Variants in NXPH2 observed in about 807,000 individuals in gnomAD.
NXPH2 encodes the protein neurexophilin 2, also known as neurexophilin-2.
In NXPH2, 5 loss-of-function variants were observed where a neutral mutation model predicts 19.8. That is an observed-to-expected ratio of 0.25 (90% CI 0.13 to 0.53). The LOEUF (loss-of-function observed/expected upper bound fraction) is 0.53, where lower values mean the gene tolerates loss of function less well. Among genes scored for constraint, NXPH2 ranks in the 20% least tolerant of loss-of-function variants. NXPH2 has a pLI of 0.96. For missense variants in NXPH2, 289 were observed against 322.8 expected (o/e 0.90, Z 0.80); for synonymous variants, 154 against 127.4 (o/e 1.21, Z -1.41).
At chr2:138,709,251 C>T (rs921430955) in intron 1 of NXPH2, among the ~76,000 whole-genome samples, 2 of 152,142 alleles carry the variant, frequency 1.3e-5, no homozygotes, top group Non-Finnish European at 1.5e-5. Flanking sequence ...GCTCACACTG[C>T]ACTTTCTCTC....
chr2:138,674,472 G>T (rs892798453), intron 1 of NXPH2, among the ~76,000 whole-genome samples: 3 of 152,054 alleles, frequency 2.0e-5, no homozygotes, highest in African/African-American at 7.2e-5. Flanking sequence ...TTTTTATACA[G>T]ATGAGGTCTT....
chr2:138,715,853 A>G (rs749275117), intron 1 of NXPH2, among the ~76,000 whole-genome samples: 1 of 152,158 alleles, frequency 6.6e-6, no homozygotes, highest in Non-Finnish European at 1.5e-5. Context: ...TTCAACAGAG[A>G]ACAGGTCTTG....
At chr2:138,771,578 G>C (rs74957341) in intron 1 of NXPH2, among the ~76,000 whole-genome samples, 1 of 152,108 alleles carries the variant, frequency 6.6e-6, no homozygotes, top group South Asian at 2.1e-4. Context: ...AAGCACTTCC[G>C]GGGAAGCCTT....
rs1339783773 is a variant in NXPH2, at chr2:138,671,595, C to T, written c.122G>A (p.Gly41Glu). 15 of 1,611,330 alleles carry T rather than the reference C, an allele frequency of 9.3e-6. No individual in the cohort carries two copies. The highest frequency in any genetic ancestry group is 1.3e-5 in the African/African-American group (1 of 74,852). The change falls in exon 2 of 2, where the codon GGG becomes GAG. Residue 41 changes from glycine to glutamate, a missense_variant. Coordinates refer to ENST00000272641, the MANE Select transcript of NXPH2 (RefSeq NM_007226.3). ...GTGCACCACGTTGCCGACCAACGTC[C>T]CTGGAGCATCTTTGTCTTCCCAATC... ...GLDWEDKDAP[G>E]TLVGNVVHSR...
intron 1 of NXPH2, among the ~76,000 whole-genome samples, chr2:138,730,555 T>G (rs1278132208): frequency 6.6e-6 from 1 of 152,120 alleles, no homozygotes; most frequent in East Asian, 1.9e-4. Context: ...ATAACTACAC[T>G]GAGGCACCAT....
At chr2:138,758,268 T>C (rs1681946573) in intron 1 of NXPH2, among the ~76,000 whole-genome samples, 1 of 152,162 alleles carries the variant, frequency 6.6e-6, no homozygotes, top group Non-Finnish European at 1.5e-5. Flanking sequence ...TAAATAGTAT[T>C]ACTGAGGATC....
In NXPH2 at chr2:138,688,686, A is replaced by G. The variant is rs79956449; in HGVS notation, c.52-17021T>C. Among the ~76,000 whole-genome samples the G allele has an allele frequency of 2.3e-3, 346 of 152,374 alleles. 3 individuals are homozygous for G. Among genetic ancestry groups the G allele is most frequent in the African/African-American group, 8.0e-3 (333 of 41,596 alleles). On this transcript the variant is annotated intron_variant, in intron 1 of 1. Coordinates refer to ENST00000272641, the MANE Select transcript of NXPH2 (RefSeq NM_007226.3). ...ATTGAAAGCTTCATGAATGACAGCA[A>G]TAAGGATCTTATGACAAAAATGAAA...
intron 1 of NXPH2, among the ~76,000 whole-genome samples, chr2:138,769,059 A>G (rs188628655): frequency 6.6e-6 from 1 of 152,354 alleles, no homozygotes; most frequent in African/African-American, 2.4e-5. Context: ...AAAGCCAGGA[A>G]TAAGAATTTA....
chr2:138,712,257 C>T (rs1174279755), intron 1 of NXPH2, among the ~76,000 whole-genome samples: 2 of 152,102 alleles, frequency 1.3e-5, no homozygotes, highest in African/African-American at 4.8e-5. Flanking sequence ...AACAGTCTCT[C>T]CCCAGTGGAT....
At chr2:138,757,343 G>T (rs556156671) in intron 1 of NXPH2, among the ~76,000 whole-genome samples, 1 of 152,240 alleles carries the variant, frequency 6.6e-6, no homozygotes, top group Non-Finnish European at 1.5e-5. Flanking sequence ...ATGTGCTGCT[G>T]CCGATCTGCT....
intron 1 of NXPH2, among the ~76,000 whole-genome samples, chr2:138,701,323 G>A (rs1242951341): frequency 6.6e-6 from 1 of 152,156 alleles, no homozygotes; most frequent in Non-Finnish European, 1.5e-5. Flanking sequence ...ATTATCTGAT[G>A]TAAGCCATAA....
At chr2:138,777,582 G>A (rs62163227) in intron 1 of NXPH2, among the ~76,000 whole-genome samples, 122 of 151,718 alleles carry the variant, frequency 8.0e-4, no homozygotes, top group Admixed American at 1.3e-3. Flanking sequence ...TTATATATAC[G>A]TGTATATTAT....
At chr2:138,756,315 G>A (rs1016816120) in intron 1 of NXPH2, among the ~76,000 whole-genome samples, 2 of 151,962 alleles carry the variant, frequency 1.3e-5, no homozygotes, top group African/African-American at 2.4e-5. Context: ...CCCTCAGAAT[G>A]GGTGTTATGT....
intron 1 of NXPH2, among the ~76,000 whole-genome samples, chr2:138,746,026 G>A (rs540029241): frequency 6.6e-6 from 1 of 152,280 alleles, no homozygotes; most frequent in East Asian, 1.9e-4. Context: ...TGATAGTCGT[G>A]GGGAGAGGAG....
chr2:138,693,855 A>T (rs1194607174), intron 1 of NXPH2, among the ~76,000 whole-genome samples: 1 of 152,200 alleles, frequency 6.6e-6, no homozygotes, highest in Non-Finnish European at 1.5e-5. Flanking sequence ...TCAAAAAGAT[A>T]TGTTGAAGTC....
chr2:138,732,826 G>A (rs560587950), intron 1 of NXPH2, among the ~76,000 whole-genome samples: 1 of 152,112 alleles, frequency 6.6e-6, no homozygotes, highest in Admixed American at 6.5e-5. Context: ...TCCACTTTTA[G>A]AGGTCTGCTC....
chr2:138,730,992 A>G (rs758149408), intron 1 of NXPH2, among the ~76,000 whole-genome samples: 1 of 152,154 alleles, frequency 6.6e-6, no homozygotes, highest in Non-Finnish European at 1.5e-5. Flanking sequence ...TGCCTTAAAC[A>G]TCACCTCCTT....
intron 1 of NXPH2, among the ~76,000 whole-genome samples, chr2:138,713,775 C>T (rs10469587): frequency 0.032 from 4,885 of 152,118 alleles, 273 homozygotes; most frequent in African/African-American, 0.11. Flanking sequence ...CCTTTTGTTT[C>T]GCACCAAATC....
intron 1 of NXPH2, among the ~76,000 whole-genome samples, chr2:138,679,462 G>A (rs996956052): frequency 1.3e-5 from 2 of 150,524 alleles, no homozygotes; most frequent in Non-Finnish European, 3.0e-5. Context: ...GTGCAGTGGC[G>A]CGATCTCGGC....
Sources: gnomAD v4.1 joint callset for allele counts (sites outside exome capture counted in the v4.1 genomes callset) on GRCh38, gnomAD v4.1.1 for gene constraint, MANE v1.5 for transcripts, NCBI Gene and HGNC (gene_info 2026-07-23, HGNC 2026-07-21) for gene names.